UBE2QL1: variants seen among roughly 807,000 people sequenced by gnomAD.
The protein encoded by UBE2QL1 is ubiquitin-conjugating enzyme E2Q-like protein 1.
Under a neutral mutation model 12.6 loss-of-function variants are expected in UBE2QL1, and 5 were observed. That is an observed-to-expected ratio of 0.40 (90% confidence interval 0.21 to 0.83). The LOEUF (loss-of-function observed/expected upper bound fraction) is 0.83, where lower values mean the gene tolerates loss of function less well. UBE2QL1 is among the 40% of genes least tolerant of loss of function. The pLI, the probability that UBE2QL1 is intolerant of heterozygous loss-of-function variation, is 0.37. For synonymous variants in UBE2QL1, 96 were observed against 94.5 expected (o/e 1.02, Z -0.10); for missense variants, 99 against 222.6 (o/e 0.44, Z 3.53).
At chr5:6,475,830 C>A (rs781750396) in intron 1 of UBE2QL1, among the ~76,000 whole-genome samples, 1 of 152,004 alleles carries the variant, frequency 6.6e-6, no homozygotes. Flanking sequence ...GAGAGGACCC[C>A]GCCCACAAGA....
chr5:6,489,226 A>T (rs1377438591), intron 1 of UBE2QL1, among the ~76,000 whole-genome samples: 1 of 152,150 alleles, frequency 6.6e-6, no homozygotes, highest in Non-Finnish European at 1.5e-5. Context: ...GGAGTCCAAG[A>T]CCAGCCTGGG....
intron 1 of UBE2QL1, among the ~76,000 whole-genome samples, chr5:6,452,174 G>T (rs988567268): frequency 2.6e-5 from 4 of 152,216 alleles, no homozygotes; most frequent in Middle Eastern, 3.4e-3. Context: ...AGAGTTTTGT[G>T]TGTAACATAA....
rs1734663942 is a variant in UBE2QL1 at position 6,496,336 on chromosome 5, T to A, written c.*4987T>A. On this transcript the variant is annotated 3_prime_UTR_variant, in exon 2 of 2. Coordinates refer to ENST00000399816, the MANE Select transcript of UBE2QL1 (RefSeq NM_001145161.3). ...TCACTGGTGATGACACTAATTGAAC[T>A]AACACAGAAACTGCTGTCACCTGAT... Among the ~76,000 whole-genome samples, 1 of 152,226 alleles carries A rather than the reference T, an allele frequency of 6.6e-6. No homozygotes were observed. Among genetic ancestry groups the A allele is most frequent in the African/African-American group, 2.4e-5 (1 of 41,456 alleles).
intron 1 of UBE2QL1, among the ~76,000 whole-genome samples, chr5:6,482,361 C>T (rs572683574): frequency 2.6e-5 from 4 of 152,272 alleles, no homozygotes; most frequent in East Asian, 1.9e-4. Context: ...ATCCCTGCCT[C>T]GCCCACCTCC....
In UBE2QL1 at chr5:6,478,373, G is replaced by A. The variant is rs371198157; in HGVS notation, c.355-12845G>A. ...CAGCCGTGAACTGCCACCATCAAGCGCAAAGCCTCCCTGAAGCCACCTCAG... is the reference window on the plus strand; with the variant it reads ...CAGCCGTGAACTGCCACCATCAAGCACAAAGCCTCCCTGAAGCCACCTCAG... On this transcript the variant is annotated intron_variant, in intron 1 of 1. Transcript: ENST00000399816. This position sits in a 1 kb window ranked among gnomAD's most constrained non-coding sequence, Gnocchi z 4.5. 2.6e-5 allele frequency among the ~76,000 whole-genome samples: 4 copies of A among 152,186 alleles called. No homozygotes were observed. The highest frequency in any genetic ancestry group is 2.9e-5 in the Non-Finnish European group (2 of 68,034).
chr5:6,492,099 A>G lies in UBE2QL1; in HGVS notation c.*750A>G, dbSNP rs1221703515. ...CCTGGCAGACGGTGGCGTAGACACC[A>G]GGTGCGCCCTCTGGGGCTCAGAGCA... On this transcript the variant is annotated 3_prime_UTR_variant, in exon 2 of 2. Transcript: ENST00000399816. 6.6e-5 allele frequency: 10 copies of G among 152,270 alleles called. No individual in the cohort carries two copies. Among genetic ancestry groups the G allele is most frequent in the Admixed American group, 6.5e-4 (10 of 15,290 alleles). 9.4% of individuals were successfully genotyped at this position (152,270 alleles called of 1,614,324 possible).
At chr5:6,483,312 G>A (rs772358747) in intron 1 of UBE2QL1, among the ~76,000 whole-genome samples, 1 of 152,134 alleles carries the variant, frequency 6.6e-6, no homozygotes, top group Non-Finnish European at 1.5e-5. Flanking sequence ...GGTGGTGCAG[G>A]CCTGTAATCC....
intron 1 of UBE2QL1, among the ~76,000 whole-genome samples, chr5:6,490,222 T>A (rs73038180): frequency 0.19 from 29,610 of 152,202 alleles, 6,361 homozygotes; most frequent in African/African-American, 0.53. Flanking sequence ...AGGCTGGAAG[T>A]GTGAGAGCTG....
intron 1 of UBE2QL1, among the ~76,000 whole-genome samples, chr5:6,450,176 G>T (rs1251336369): frequency 6.9e-6 from 1 of 145,092 alleles, no homozygotes; most frequent in Non-Finnish European, 1.5e-5. Flanking sequence ...TGGGGTAGAC[G>T]TTCCAGGTCT....
At chr5:6,467,646 C>T (rs960622127) in intron 1 of UBE2QL1, among the ~76,000 whole-genome samples, 1 of 133,708 alleles carries the variant, frequency 7.5e-6, no homozygotes, top group Non-Finnish European at 1.6e-5. Context: ...GAGAGCCTTG[C>T]TTTCCAAGCA....
chr5:6,491,606 G>A lies in UBE2QL1; in HGVS notation c.*257G>A, dbSNP rs1734571561. ...ACTTTAGAACACATGTTGAGATGGT[G>A]ACATTTCCCAGCCTGCCTGCCCCTC... On this transcript the variant is annotated 3_prime_UTR_variant, in exon 2 of 2. Coordinates refer to ENST00000399816, the MANE Select transcript of UBE2QL1 (RefSeq NM_001145161.3). The A allele has an allele frequency of 1.0e-5, 3 of 298,290 alleles. No homozygotes were observed. The highest frequency in any genetic ancestry group is 4.3e-5 in the African/African-American group (2 of 46,040). The allele number at this position is 298,290 out of a possible 1,614,324, so 18.5% of individuals were successfully genotyped here. A position where few individuals can be genotyped will look rare whatever the true frequency, so the allele number is the denominator to read the frequency against.
chr5:6,480,079 GTGTTTGTT>G (rs376342403), intron 1 of UBE2QL1, among the ~76,000 whole-genome samples: 1 of 152,164 alleles, frequency 6.6e-6, no homozygotes, highest in African/African-American at 2.4e-5. Flanking sequence ...TTTTTCGTTT[GTGTTTGTT>G]TGTTTGTTTG....
At chr5:6,453,669 C>T (rs1174808101) in intron 1 of UBE2QL1, among the ~76,000 whole-genome samples, 1 of 151,816 alleles carries the variant, frequency 6.6e-6, no homozygotes, top group East Asian at 1.9e-4. Context: ...GAGGGGGCCA[C>T]ACCATGGTGT....
chr5:6,469,205 T>C (rs1355614497), intron 1 of UBE2QL1, among the ~76,000 whole-genome samples: 1 of 152,126 alleles, frequency 6.6e-6, no homozygotes, highest in Non-Finnish European at 1.5e-5. Flanking sequence ...AATTGTTATC[T>C]TCATGTGTCC....
At chr5:6,471,664 G>C (rs78208000) in intron 1 of UBE2QL1, among the ~76,000 whole-genome samples, 12,405 of 152,228 alleles carry the variant, frequency 0.081, 979 homozygotes, top group African/African-American at 0.2. Context: ...ATAGAAGCAA[G>C]CTCAGGTCCC....
intron 1 of UBE2QL1, among the ~76,000 whole-genome samples, chr5:6,472,586 C>T (rs1483342764): frequency 6.6e-6 from 1 of 152,194 alleles, no homozygotes; most frequent in African/African-American, 2.4e-5. Context: ...CTTCTTTAGA[C>T]ATCTGCTGAT....
At chr5:6,475,834 C>T (rs1307168974) in intron 1 of UBE2QL1, among the ~76,000 whole-genome samples, 2 of 152,040 alleles carry the variant, frequency 1.3e-5, no homozygotes, top group African/African-American at 4.8e-5. Flanking sequence ...GGACCCCGCC[C>T]ACAAGAGACA....
intron 1 of UBE2QL1, among the ~76,000 whole-genome samples, chr5:6,467,647 T>G (rs1739825090): frequency 7.8e-6 from 1 of 128,474 alleles, no homozygotes; most frequent in South Asian, 3.1e-4. Context: ...AGAGCCTTGC[T>G]TTCCAAGCAC....
chr5:6,477,169 A>T (rs1734250419), intron 1 of UBE2QL1, among the ~76,000 whole-genome samples: 1 of 152,152 alleles, frequency 6.6e-6, no homozygotes, highest in Non-Finnish European at 1.5e-5. Context: ...GTGCTTCTCC[A>T]TCCTGACCTC....
Sources: allele counts gnomAD v4.1 joint callset (sites outside exome capture counted in the v4.1 genomes callset), GRCh38; gene constraint gnomAD v4.1.1; non-coding constraint Gnocchi (gnomAD v3.1); transcripts MANE v1.5; gene names NCBI Gene and HGNC (gene_info 2026-07-23, HGNC 2026-07-21).